The following TSNAX variants were observed in gnomAD, a reference collection of about 807,000 sequenced individuals.
The protein encoded by TSNAX is translin associated factor X.
A neutral mutation model predicts 33.0 loss-of-function variants in TSNAX; 12 were observed. The ratio of observed to expected loss-of-function variants is 0.36; its 90% CI spans 0.23 to 0.59. The LOEUF (loss-of-function observed/expected upper bound fraction) is 0.59. TSNAX is among the 20% of genes least tolerant of loss of function. TSNAX has a pLI of 0.74. For synonymous variants in TSNAX, 110 were observed against 117.2 expected (o/e 0.94, Z 0.40); for missense variants, 267 against 341.3 (o/e 0.78, Z 1.72).
At chr1:231,554,814 A>G (rs1330977878) in intron 4 of TSNAX, 1 of 152,226 alleles carries the variant, frequency 6.6e-6, no homozygotes, top group Non-Finnish European at 1.5e-5. Context: ...GAAGCAGGTA[A>G]GATGGGAAGG....
rs545775609 is a variant in TSNAX at position 231,538,729 on chromosome 1, C to G, written c.236+1402C>G. Among the ~76,000 whole-genome samples the G allele has an allele frequency of 2.0e-5, 3 of 152,168 alleles. No individual in the cohort carries two copies. In the East Asian group the frequency reaches 5.8e-4, roughly 29 times the overall value. On this transcript the variant is annotated intron_variant, in intron 3 of 5. Coordinates refer to ENST00000366639, the MANE Select transcript of TSNAX (RefSeq NM_005999.3). ...ATATTATTGCCCGGGCATGGTGGCT[C>G]ACACCTGTATGGGCAACATGGCAAA...
In TSNAX at chr1:231,529,911, A is replaced by G. The variant is rs72756572; in HGVS notation, c.121+552A>G. Among the ~76,000 whole-genome samples, 336 of 152,312 alleles carry G rather than the reference A, an allele frequency of 2.2e-3. 1 individual carries two copies. Among genetic ancestry groups the G allele is most frequent in the Non-Finnish European group, 3.0e-3 (207 of 68,026 alleles). The stretch of plus-strand genomic sequence containing the variant: ...TTCCTTTTGTCCCTGTCTATCCACT[A>G]TCCTGTACCTTACGTTTCTGTGATT... On this transcript the variant is annotated intron_variant, in intron 2 of 5. Transcript: ENST00000366639.
At chr1:231,549,183 C>A (rs771147485) in intron 4 of TSNAX, among the ~76,000 whole-genome samples, 12 of 152,112 alleles carry the variant, frequency 7.9e-5, no homozygotes, top group East Asian at 1.9e-4. Context: ...TGATGGCTCA[C>A]GCCTGTAATC....
chr1:231,560,702 G>A (rs554926122), intron 4 of TSNAX, among the ~76,000 whole-genome samples: 6 of 152,224 alleles, frequency 3.9e-5, no homozygotes, highest in Non-Finnish European at 5.9e-5. Flanking sequence ...ACAGGCGTGA[G>A]CCACCGTGCC....
At position 231,542,612 on chromosome 1, in the gene TSNAX, GT is replaced by G; in HGVS notation, c.367+2del. ...CAGTTCCATCGAGCCATTACTACAG[GT>G]AAGTCTAGGTTTGTTTCAGGGTAAT... On this transcript the variant is annotated splice_donor_variant, in intron 4 of 5. Coordinates refer to ENST00000366639, the MANE Select transcript of TSNAX (RefSeq NM_005999.3). LOFTEE classifies it high-confidence loss of function. 1 of 1,613,290 alleles carries G rather than the reference GT, an allele frequency of 6.2e-7. No homozygotes were observed. Among genetic ancestry groups the G allele is most frequent in the Non-Finnish European group, 8.5e-7 (1 of 1,179,616 alleles).
At chr1:231,550,499 CAGGT>C (rs1660228080) in intron 4 of TSNAX, among the ~76,000 whole-genome samples, 1 of 152,172 alleles carries the variant, frequency 6.6e-6, no homozygotes, top group Admixed American at 6.5e-5. Flanking sequence ...TTTATAATCT[CAGGT>C]AGGTTCAGGA....
intron 3 of TSNAX, among the ~76,000 whole-genome samples, chr1:231,537,543 C>T (rs1659260743): frequency 6.6e-6 from 1 of 152,030 alleles, no homozygotes; most frequent in South Asian, 2.1e-4. Context: ...GAGGTCGAGA[C>T]CAGCCTGGGC....
chr1:231,556,259 A>G (rs911623659), intron 4 of TSNAX, among the ~76,000 whole-genome samples: 2 of 152,254 alleles, frequency 1.3e-5, no homozygotes, highest in African/African-American at 2.4e-5. Flanking sequence ...AGGTACAACT[A>G]AATGCCAGGC....
Position 231,550,026 on chromosome 1 carries a change from T to TG in TSNAX, c.367+7416dup, listed in dbSNP as rs1251888445. 1.1e-4 allele frequency among the ~76,000 whole-genome samples: 17 copies of TG among 152,340 alleles called. No individual in the cohort carries two copies. The South Asian group carries it at 3.3e-3, about 30-fold the overall frequency. ...GTCTTCACATGGCCTTGTGCACACG[T>TG]GCACACACATCTCTGTTGTCCCTGT... On this transcript the variant is annotated intron_variant, in intron 4 of 5. Coordinates refer to ENST00000366639, the MANE Select transcript of TSNAX (RefSeq NM_005999.3).
chr1:231,552,829 A>G (rs113334010), intron 4 of TSNAX, among the ~76,000 whole-genome samples: 7 of 152,172 alleles, frequency 4.6e-5, no homozygotes, highest in South Asian at 2.1e-4. Context: ...TGGATATCTC[A>G]TATAAATTGA....
chr1:231,560,012 C>T (rs1660952147), intron 4 of TSNAX, among the ~76,000 whole-genome samples: 1 of 150,606 alleles, frequency 6.6e-6, no homozygotes, highest in Non-Finnish European at 1.5e-5. Context: ...ACGAGTCTCG[C>T]TCTGCCGCCT....
chr1:231,563,079 C>G (rs1661215326), intron 5 of TSNAX, among the ~76,000 whole-genome samples: 1 of 152,202 alleles, frequency 6.6e-6, no homozygotes, highest in Non-Finnish European at 1.5e-5. Context: ...CTTAATAAAG[C>G]TGTCTCCCTT....
At chr1:231,559,519 G>A (rs572724657) in intron 4 of TSNAX, among the ~76,000 whole-genome samples, 5 of 152,178 alleles carry the variant, frequency 3.3e-5, no homozygotes, top group African/African-American at 1.2e-4. Flanking sequence ...TAGTAGAGAC[G>A]GGGTTTCACC....
intron 5 of TSNAX, among the ~76,000 whole-genome samples, chr1:231,562,293 C>A (rs973357915): frequency 6.6e-6 from 1 of 150,444 alleles, no homozygotes; most frequent in Admixed American, 6.6e-5. Context: ...GATAGGTAGG[C>A]AGGAGATGGA....
chr1:231,555,218 A>T (rs1660611812), intron 4 of TSNAX, among the ~76,000 whole-genome samples: 6 of 152,244 alleles, frequency 3.9e-5, no homozygotes, highest in Admixed American at 3.9e-4. Context: ...ATAGAATATT[A>T]TTCAGCCTTA....
At position 231,564,864 on chromosome 1, in the gene TSNAX, G is replaced by C. The variant is rs1661329292; in HGVS notation, c.832G>C (p.Val278Leu). ...PKHMLADVFS[V>L]KTEMIDQEEG... Reference sequence around the variant, plus strand: ...ACATATGTTGGCAGATGTGTTTTCAGTTAAAACAGAAATGATAGATCAAGA... The same window carrying C: ...ACATATGTTGGCAGATGTGTTTTCACTTAAAACAGAAATGATAGATCAAGA... Residue 278 changes from valine to leucine, a missense_variant, in exon 6 of 6, where the codon GTT becomes CTT. By Grantham distance (32) the Val-to-Leu change is conservative. Around this residue, in one of 2 missense-constraint regions of TSNAX, gnomAD observed 67 missense variants for 127.2 expected, o/e 0.53. Coordinates refer to ENST00000366639, the MANE Select transcript of TSNAX (RefSeq NM_005999.3). 1 of 1,614,012 alleles carries C rather than the reference G, an allele frequency of 6.2e-7. No homozygotes were observed. The highest frequency in any genetic ancestry group is 8.5e-7 in the Non-Finnish European group (1 of 1,180,016).
chr1:231,559,677 T>C (rs1374422702), intron 4 of TSNAX, among the ~76,000 whole-genome samples: 2 of 152,188 alleles, frequency 1.3e-5, no homozygotes, highest in Admixed American at 6.5e-5. Flanking sequence ...ACTGTAGACA[T>C]GTAACAAAAT....
chr1:231,532,179 C>CACAA (rs1658791520), intron 2 of TSNAX, among the ~76,000 whole-genome samples: 4 of 96,124 alleles, frequency 4.2e-5, no homozygotes, highest in African/African-American at 1.5e-4. Context: ...CACACACACA[C>CACAA]ACACACAGTT....
chr1:231,541,215 G>C (rs913747394), intron 3 of TSNAX, among the ~76,000 whole-genome samples: 4 of 151,702 alleles, frequency 2.6e-5, no homozygotes, highest in African/African-American at 9.7e-5. Flanking sequence ...TGCCTTTTTT[G>C]TTTTGTTTTT....
Sources: allele counts gnomAD v4.1 joint callset (sites outside exome capture counted in the v4.1 genomes callset), GRCh38; gene constraint gnomAD v4.1.1; regional missense constraint gnomAD v4.1.1; transcripts MANE v1.5; gene names NCBI Gene and HGNC (gene_info 2026-07-23, HGNC 2026-07-21).